Variants in PRPF8 observed in about 807,000 individuals in gnomAD.
The protein encoded by PRPF8 is pre-mRNA-processing-splicing factor 8.
In PRPF8, 64 loss-of-function variants were observed where a neutral mutation model predicts 285.9. The observed-to-expected ratio is 0.22, with a 90% CI of 0.18 to 0.28. The LOEUF is 0.28. Among genes scored for constraint, PRPF8 ranks in the 10% least tolerant of loss-of-function variants. The probability of loss-of-function intolerance (pLI) is 1.00; values close to 1 mark genes in which losing one functional copy is unlikely to be tolerated. For synonymous variants in PRPF8, 1,325 were observed against 1,118.2 expected (o/e 1.18, Z -3.69); for missense variants, 1,426 against 3,026.7 (o/e 0.47, Z 12.41).
chr17:1,659,999 C>A lies in PRPF8; in HGVS notation c.4788G>T (p.Val1596=), dbSNP rs372637964. 24 of 1,614,130 alleles carry A rather than the reference C, an allele frequency of 1.5e-5. No homozygotes were observed. The African/African-American group carries it at 2.7e-4, about 18-fold the overall frequency. ...HESIVMDLCQ[V]FDQELDALEI... The stretch of plus-strand genomic sequence containing the variant: ...CCAGTGCATCAAGTTCCTGGTCAAA[C>A]ACCTGAAGGAAAACATGGAGAGATT... Residue 1596 remains valine (V), a splice_region_variant and synonymous_variant, in exon 31 of 43, where the codon GTG becomes GTT. Transcript: ENST00000304992. The surrounding 1 kb of genome is among the most constrained non-coding windows in gnomAD (Gnocchi z 5.1).
intron 36 of PRPF8, 73 bp downstream of exon 36, chr17:1,656,319 A>T (rs930315793): frequency 6.3e-7 from 1 of 1,593,226 alleles, no homozygotes; most frequent in Non-Finnish European, 8.6e-7. Context: ...AATGGCAAAA[A>T]CCTGACACAG....
chr17:1,669,384 C>T (rs1459658176), intron 24 of PRPF8, among the ~76,000 whole-genome samples: 1 of 152,198 alleles, frequency 6.6e-6, no homozygotes, highest in Non-Finnish European at 1.5e-5. Flanking sequence ...GGATTACGGG[C>T]GTGAGCCACT....
Position 1,681,812 on chromosome 17 carries a change from T to C in PRPF8, c.653+8A>G, listed in dbSNP as rs538280331. The C allele has an allele frequency of 3.1e-6, 5 of 1,613,914 alleles. No individual in the cohort carries two copies. Among genetic ancestry groups the C allele is most frequent in the Admixed American group, 1.7e-5 (1 of 59,982 alleles). ...CTCCCAGGTGTAGTATCTCCATCTA[T>C]CACTCACTTCCTGCTGTCCCTCAAC... On this transcript the variant is annotated splice_region_variant and intron_variant, in intron 5 of 42. Coordinates refer to ENST00000304992, the MANE Select transcript of PRPF8 (RefSeq NM_006445.4).
Position 1,653,328 on chromosome 17 carries a change from G to A in PRPF8, c.6369+214C>T. On this transcript the variant is annotated intron_variant, in intron 39 of 42. Transcript: ENST00000304992. This position sits in a 1 kb window ranked among gnomAD's most constrained non-coding sequence, Gnocchi z 4.9. ...ATCTGTTCTCTTCCAAATACTATCA[G>A]GCCAATACTACAATTACTACCTTCT... The A allele has an allele frequency of 1.5e-6, 1 of 663,238 alleles. No homozygotes were observed. Among genetic ancestry groups the A allele is most frequent in the Non-Finnish European group, 2.7e-6 (1 of 373,358 alleles). 41.1% of individuals were successfully genotyped at this position (663,238 alleles called of 1,614,324 possible). A position where few individuals can be genotyped will look rare whatever the true frequency, so the allele number is the denominator to read the frequency against.
chr17:1,656,336 C>T, intron 36 of PRPF8, 56 bp downstream of exon 36: 1 of 1,607,830 alleles, frequency 6.2e-7, no homozygotes, highest in Non-Finnish European at 8.5e-7. Flanking sequence ...ACAGGATCTT[C>T]TCCTAACCCT....
Position 1,650,950 on chromosome 17 carries a change from C to T in PRPF8, c.6860G>A (p.Arg2287Gln), listed in dbSNP as rs759613329. The T allele has an allele frequency of 2.5e-6, 4 of 1,614,166 alleles. No homozygotes were observed. Among genetic ancestry groups the T allele is most frequent in the Non-Finnish European group, 1.7e-6 (2 of 1,180,030 alleles). Residue 2287 changes from arginine (R) to glutamine (Q), a missense_variant, in exon 43 of 43, where the codon CGG (arginine) becomes CAG (glutamine). Physicochemically the swap from Arg to Gln is conservative, Grantham distance 43 (BLOSUM62 1). Transcript: ENST00000304992. Reference protein sequence around the residue: ...SSWNYNFMGVRHDPNMKYELQ... With the variant: ...SSWNYNFMGVQHDPNMKYELQ... ...CTCATATTTCATGTTGGGGTCATGCCGAACACCTTCGGGGAGAAGGAAACA... is the reference window on the plus strand; with the variant it reads ...CTCATATTTCATGTTGGGGTCATGCTGAACACCTTCGGGGAGAAGGAAACA...
chr17:1,650,679 T>A lies in PRPF8; in HGVS notation c.*123A>T, dbSNP rs748781515. On this transcript the variant is annotated 3_prime_UTR_variant, in exon 43 of 43. Transcript: ENST00000304992. ...ATATTTTATTCAGGATGACAAGCCATCAGGAGGTCAACAACACAAGCACAG... is the reference window on the plus strand; with the variant it reads ...ATATTTTATTCAGGATGACAAGCCAACAGGAGGTCAACAACACAAGCACAG... The A allele has an allele frequency of 7.3e-6, 8 of 1,093,360 alleles. No homozygotes were observed. Among genetic ancestry groups the A allele is most frequent in the Non-Finnish European group, 1.1e-5 (8 of 717,294 alleles). The allele number at this position is 1,093,360 out of a possible 1,614,324, so 67.7% of individuals were successfully genotyped here.
chr17:1,679,002 G>C lies in PRPF8; in HGVS notation c.1599+15C>G. The C allele has an allele frequency of 6.2e-7, 1 of 1,613,986 alleles. No individual in the cohort carries two copies. The highest frequency in any genetic ancestry group is 1.1e-5 in the South Asian group (1 of 91,084). On this transcript the variant is annotated intron_variant, in intron 11 of 42. Transcript: ENST00000304992. This position sits in a 1 kb window ranked among gnomAD's most constrained non-coding sequence, Gnocchi z 4.7. The stretch of plus-strand genomic sequence containing the variant: ...CCTTGAAGCCCAGGAGGCCCCTAGG[G>C]TCCAATGCAGGCACCTTGGTGGTGA...
chr17:1,681,200 C>T (rs1308197327), intron 6 of PRPF8, 146 bp from the exon 7 acceptor site: 1 of 954,066 alleles, frequency 1.0e-6, no homozygotes. Context: ...CACAGCTCAG[C>T]TTCCCAAGTA....
rs1912627431 is a variant in PRPF8, at chr17:1,676,877, A to G, written c.2181+99T>C. 5 of 1,520,476 alleles carry G rather than the reference A, an allele frequency of 3.3e-6. No homozygotes were observed. The African/African-American group carries it at 4.1e-5, about 13-fold the overall frequency. 94.2% of individuals were successfully genotyped at this position (1,520,476 alleles called of 1,614,324 possible). ...TTTCCCTGTCTAAAAGGGAAAAGAA[A>G]AGAGATTGGAGCCAGATAGCCCCCT... On this transcript the variant is annotated intron_variant, in intron 15 of 42. Transcript: ENST00000304992. The surrounding 1 kb of genome is among the most constrained non-coding windows in gnomAD (Gnocchi z 6.3).
chr17:1,680,652 C>T (rs907789571), intron 8 of PRPF8, 74 bp downstream of exon 8: 6 of 1,347,570 alleles, frequency 4.5e-6, no homozygotes, highest in East Asian at 2.3e-5. Context: ...TCCACCTGAG[C>T]GTTTAGTAAC....
rs753098910 is a variant in PRPF8 at position 1,659,500 on chromosome 17, C to T, written c.4995G>A (p.Gln1665=). ...GGGAATCATAGTCCCCCCAGCGCAA[C>T]TGGATGTCAATCCAGTATTTCTGGG... The part of the protein sequence containing the change: ...TTTQKYWIDI[Q]LRWGDYDSHD... Residue 1665 remains glutamine, a synonymous_variant, in exon 32 of 43, where the codon CAG becomes CAA. Transcript: ENST00000304992. The surrounding 1 kb of genome is among the most constrained non-coding windows in gnomAD (Gnocchi z 5.1). 4 of 1,614,202 alleles carry T rather than the reference C, an allele frequency of 2.5e-6. No homozygotes were observed. The South Asian group carries it at 4.4e-5, about 18-fold the overall frequency.
rs1345310551 is a variant in PRPF8, at chr17:1,656,570, G to A, written c.5620-5C>T. The A allele has an allele frequency of 4.3e-6, 7 of 1,614,144 alleles. No homozygotes were observed. The highest frequency in any genetic ancestry group is 1.6e-4 in the Middle Eastern group (1 of 6,062). On this transcript the variant is annotated splice_polypyrimidine_tract_variant and splice_region_variant and intron_variant, in intron 35 of 42. Transcript: ENST00000304992. The stretch of plus-strand genomic sequence containing the variant: ...GGGGAAGTCCAGTAAGTGCACCTAA[G>A]ACAAGATCAAGTCCAAGATGAGAAA...
chr17:1,681,381 A>C (rs562161592), intron 6 of PRPF8, 97 bp downstream of exon 6: 324 of 1,350,600 alleles, frequency 2.4e-4, no homozygotes, highest in Admixed American at 3.9e-4. Context: ...CACCTGGTGT[A>C]AACAGACTAA....
At chr17:1,664,885 C>T (rs975602807) in intron 24 of PRPF8, among the ~76,000 whole-genome samples, 35 of 152,168 alleles carry the variant, frequency 2.3e-4, no homozygotes, top group Middle Eastern at 6.8e-3. Context: ...GGGCCGGGCA[C>T]GATGGCTCAT....
At chr17:1,683,787 AGTGT>A in intron 2 of PRPF8, 86 bp from the exon 3 acceptor site, 1 of 1,520,658 alleles carries the variant, frequency 6.6e-7, no homozygotes, top group East Asian at 2.4e-5. Flanking sequence ...CCTGTCAGTG[AGTGT>A]GAGGGAGAAG....
At chr17:1,652,228 C>T (rs1188305579) in intron 39 of PRPF8, 2 of 308,320 alleles carry the variant, frequency 6.5e-6, no homozygotes, top group South Asian at 2.9e-5. Context: ...TCAAATTTGC[C>T]AACCTGACAG....
chr17:1,661,595 C>T lies in PRPF8; in HGVS notation c.4202+16G>A, dbSNP rs1911682284. The T allele has an allele frequency of 3.7e-6, 6 of 1,612,646 alleles. No homozygotes were observed. The highest frequency in any genetic ancestry group is 5.1e-6 in the Non-Finnish European group (6 of 1,179,994). On this transcript the variant is annotated intron_variant, in intron 26 of 42. Transcript: ENST00000304992. This position sits in a 1 kb window ranked among gnomAD's most constrained non-coding sequence, Gnocchi z 7.3. ...TGCCCCTGCCCCAGGGTTGGCATGC[C>T]CTCCTAGGTGCCCACCTGTTCTGAG...
At chr17:1,680,632 C>T in intron 8 of PRPF8, 94 bp downstream of exon 8, 1 of 1,165,292 alleles carries the variant, frequency 8.6e-7, no homozygotes, top group Non-Finnish European at 1.3e-6. Context: ...AGACGGAAAA[C>T]ACATCTCCCT....
Sources: gnomAD v4.1 joint callset for allele counts (sites outside exome capture counted in the v4.1 genomes callset) on GRCh38, gnomAD v4.1.1 for gene constraint, Gnocchi (gnomAD v3.1) non-coding constraint, MANE v1.5 for transcripts, NCBI Gene and HGNC (gene_info 2026-07-23, HGNC 2026-07-21) for gene names.